FILIP1L: variants seen among roughly 807,000 people sequenced by gnomAD.
The protein encoded by FILIP1L is filamin A interacting protein 1 like.
In FILIP1L, 55 loss-of-function variants were observed where a neutral mutation model predicts 96.6. That is an observed-to-expected ratio of 0.57 (90% CI 0.46 to 0.71). The LOEUF is 0.71. FILIP1L is among the 30% of genes least tolerant of loss of function. The pLI is 0.00. For missense variants in FILIP1L, 1,304 were observed against 1,321.2 expected (o/e 0.99, Z 0.20); for synonymous variants, 467 against 473.9 (o/e 0.99, Z 0.19).
chr3:99,882,772 C>G (rs1348812891), intron 4 of FILIP1L, among the ~76,000 whole-genome samples: 1 of 152,142 alleles, frequency 6.6e-6, no homozygotes, highest in Non-Finnish European at 1.5e-5. Context: ...GAGTAATTTA[C>G]CTAGCTTATA....
chr3:99,848,875 G>A lies in FILIP1L; in HGVS notation c.2801C>T (p.Ala934Val). Reference sequence around the variant, plus strand: ...TGGCGTGCCACAGTTCGGTATCACTGCAGTACTCGTGTAAGAGTGAGGACT... The same window carrying A: ...TGGCGTGCCACAGTTCGGTATCACTACAGTACTCGTGTAAGAGTGAGGACT... ...TESPHSYTST[A>V]VIPNCGTPKQ... Residue 934 changes from alanine to valine, a missense_variant, in exon 5 of 6, where the codon GCA becomes GTA. Physicochemically the swap from Ala to Val is moderately conservative, Grantham distance 64. Coordinates refer to ENST00000477258, the MANE Select transcript of FILIP1L (RefSeq NM_001387850.1). 1 of 1,614,130 alleles carries A rather than the reference G, an allele frequency of 6.2e-7. No homozygotes were observed. The highest frequency in any genetic ancestry group is 8.5e-7 in the Non-Finnish European group (1 of 1,180,004).
At chr3:100,060,422 C>T (rs959092977) in intron 1 of FILIP1L, among the ~76,000 whole-genome samples, 3 of 151,886 alleles carry the variant, frequency 2.0e-5, no homozygotes, top group African/African-American at 7.3e-5. Context: ...AGCAAGGTAG[C>T]TTTAAAGTAT....
intron 1 of FILIP1L, among the ~76,000 whole-genome samples, chr3:99,993,672 G>A (rs1709589353): frequency 1.3e-5 from 2 of 152,010 alleles, no homozygotes; most frequent in Admixed American, 1.3e-4. Flanking sequence ...GTTTGTTGAG[G>A]ATTTTTATCA....
At position 99,849,580 on chromosome 3, in the gene FILIP1L, T is replaced by C; in HGVS notation, c.2096A>G (p.Gln699Arg). Residue 699 changes from glutamine to arginine, a missense_variant, in exon 5 of 6, where the codon CAA becomes CGA. Physicochemically the swap from Gln to Arg is conservative, Grantham distance 43. Transcript: ENST00000477258. ...LAEKTETSHEQWLFKRLQEEE... is the reference protein window; with the variant it reads ...LAEKTETSHERWLFKRLQEEE... ...TTCTTGAAGCCTTTTGAAAAGCCAT[T>C]GTTCATGGCTGGTCTCTGTCTTTTC... The C allele has an allele frequency of 6.2e-7, 1 of 1,613,538 alleles. No homozygotes were observed. Among genetic ancestry groups the C allele is most frequent in the East Asian group, 2.2e-5 (1 of 44,862 alleles).
chr3:100,018,100 G>T (rs1190438763), intron 1 of FILIP1L, among the ~76,000 whole-genome samples: 1 of 152,124 alleles, frequency 6.6e-6, no homozygotes, highest in Admixed American at 6.5e-5. Flanking sequence ...AGGCCGAGGC[G>T]GGCAGATCAC....
At chr3:99,956,186 T>C (rs1708314435) in intron 1 of FILIP1L, among the ~76,000 whole-genome samples, 1 of 152,174 alleles carries the variant, frequency 6.6e-6, no homozygotes, top group Non-Finnish European at 1.5e-5. Context: ...CTTCCACTTA[T>C]TCCTTAACCA....
chr3:99,956,910 C>G (rs778168136), intron 1 of FILIP1L, among the ~76,000 whole-genome samples: 1 of 152,096 alleles, frequency 6.6e-6, no homozygotes, highest in South Asian at 2.1e-4. Context: ...CAGCTTCTGC[C>G]CTCACCAATG....
chr3:100,033,755 G>A (rs970432547), intron 1 of FILIP1L, among the ~76,000 whole-genome samples: 3 of 152,130 alleles, frequency 2.0e-5, no homozygotes, highest in Non-Finnish European at 4.4e-5. Flanking sequence ...TGGTGACTCA[G>A]CCCTGTTCTT....
At chr3:100,002,316 A>C (rs536134899) in intron 1 of FILIP1L, among the ~76,000 whole-genome samples, 1 of 152,336 alleles carries the variant, frequency 6.6e-6, no homozygotes, top group South Asian at 2.1e-4. Flanking sequence ...CTTGTTGTTC[A>C]AAACATTCTC....
intron 3 of FILIP1L, among the ~76,000 whole-genome samples, chr3:99,926,125 G>T (rs1436500788): frequency 2.0e-5 from 3 of 152,162 alleles, no homozygotes; most frequent in Non-Finnish European, 4.4e-5. Context: ...AATTTAAGTT[G>T]TGTATCCTAA....
chr3:100,007,734 GC>G (rs1485902851), intron 1 of FILIP1L, among the ~76,000 whole-genome samples: 3 of 152,028 alleles, frequency 2.0e-5, no homozygotes, highest in Non-Finnish European at 4.4e-5. Context: ...GGGCCTTGTT[GC>G]TTTGACTGCC....
rs542070559 is a variant in FILIP1L, at chr3:99,960,857, T to A, written c.-10-29827A>T. Among the ~76,000 whole-genome samples, 7 of 152,386 alleles carry A rather than the reference T, an allele frequency of 4.6e-5. No individual in the cohort carries two copies. The South Asian group carries it at 1.4e-3, about 32-fold the overall frequency. ...GTTATATATTTTTGCGTTGTTAATA[T>A]TTTTAATTGGTGTTTCTAAAGTAAA... is the stretch of plus-strand genomic sequence containing the variant. On this transcript the variant is annotated intron_variant, in intron 1 of 5. Transcript: ENST00000477258.
chr3:100,109,642 T>C (rs2066455020), intron 1 of FILIP1L, among the ~76,000 whole-genome samples: 2 of 152,168 alleles, frequency 1.3e-5, no homozygotes. Context: ...GGTTCATGCA[T>C]ATTGTTGTGT....
At chr3:100,027,265 C>T (rs1321092799) in intron 1 of FILIP1L, among the ~76,000 whole-genome samples, 1 of 152,114 alleles carries the variant, frequency 6.6e-6, no homozygotes, top group Non-Finnish European at 1.5e-5. Flanking sequence ...TGGATAGGGA[C>T]TTTATATGAT....
intron 4 of FILIP1L, among the ~76,000 whole-genome samples, chr3:99,919,609 G>C (rs1707061521): frequency 2.0e-5 from 3 of 151,784 alleles, no homozygotes; most frequent in Admixed American, 2.0e-4. Flanking sequence ...AAGAAAATTT[G>C]ATGTTTTTGA....
chr3:99,848,677 G>C lies in FILIP1L; in HGVS notation c.2999C>G (p.Ser1000Cys), dbSNP rs1285197919. The change falls in exon 5 of 6, where the codon TCC (serine) becomes TGC (cysteine). Residue 1000 changes from serine (S) to cysteine (C), a missense_variant. Transcript: ENST00000477258. ...CGSLTPERTM[S>C]PIQVLAVTGS... is the part of the protein sequence containing the mutation. ...AGTCACAGCCAAAACCTGAATAGGG[G>C]ACATTGTCCTTTCTGGAGTTAGAGA... 6.2e-7 allele frequency: 1 copy of C among 1,614,156 alleles called. No homozygotes were observed. The highest frequency in any genetic ancestry group is 1.1e-5 in the South Asian group (1 of 91,080).
intron 1 of FILIP1L, among the ~76,000 whole-genome samples, chr3:99,959,503 G>A (rs1294210628): frequency 6.6e-6 from 1 of 152,080 alleles, no homozygotes; most frequent in Non-Finnish European, 1.5e-5. Context: ...AAAAAGAAGA[G>A]GAATTAAGTC....
intron 1 of FILIP1L, among the ~76,000 whole-genome samples, chr3:100,038,746 C>A (rs2065152317): frequency 6.6e-6 from 1 of 152,126 alleles, no homozygotes; most frequent in Admixed American, 6.5e-5. Context: ...AGCGATCCTC[C>A]CACCTCAGCC....
intron 1 of FILIP1L, among the ~76,000 whole-genome samples, chr3:100,097,881 A>G (rs1485598555): frequency 1.3e-5 from 2 of 152,272 alleles, no homozygotes; most frequent in African/African-American, 4.8e-5. Flanking sequence ...CTTTTTCTGA[A>G]TAGCTTTGTG....
Sources: gnomAD v4.1 joint callset for allele counts (sites outside exome capture counted in the v4.1 genomes callset) on GRCh38, gnomAD v4.1.1 for gene constraint, MANE v1.5 for transcripts, NCBI Gene and HGNC (gene_info 2026-07-23, HGNC 2026-07-21) for gene names.